Variants in MYBBP1A observed in about 807,000 individuals in gnomAD.
The protein encoded by MYBBP1A is MYB binding protein 1a.
Under a neutral mutation model 136.3 loss-of-function variants are expected in MYBBP1A, and 147 were observed. That is an observed-to-expected ratio of 1.08 (90% CI 0.94 to 1.24). The LOEUF (loss-of-function observed/expected upper bound fraction) is 1.24, where lower values mean the gene tolerates loss of function less well. Among genes scored for constraint, MYBBP1A ranks in the 50% most tolerant of loss-of-function variants. The pLI is 0.00. For synonymous variants in MYBBP1A, 947 were observed against 735.8 expected, an observed-to-expected ratio of 1.29 and a Z score of -4.65; for missense variants, 2,060 against 1,727.4, an observed-to-expected ratio of 1.19 and a Z score of -3.41.
rs1283455939 is a variant in MYBBP1A, at chr17:4,552,457, A to G, written c.731T>C (p.Val244Ala). Residue 244 changes from valine to alanine, a missense_variant, in exon 6 of 26, where the codon GTC (valine) becomes GCC (alanine). Coordinates refer to ENST00000254718, the MANE Select transcript of MYBBP1A (RefSeq NM_014520.4). This position sits in a 1 kb window ranked among gnomAD's most constrained non-coding sequence, Gnocchi z 4.7. The stretch of plus-strand genomic sequence containing the variant: ...CCGCCCACCTCCATCACACCTGGGG[A>G]CATTCTCATCTGAGAATAGGTTCAC... Reference protein sequence around the residue: ...GSVNLFSDENVPRLVNVLKMA... With the variant: ...GSVNLFSDENAPRLVNVLKMA... 6.2e-7 allele frequency: 1 copy of G among 1,612,914 alleles called. No individual in the cohort carries two copies. Among genetic ancestry groups the G allele is most frequent in the South Asian group, 1.1e-5 (1 of 91,044 alleles).
chr17:4,549,785 C>CAAAAA (rs60360356), intron 9 of MYBBP1A, among the ~76,000 whole-genome samples: 13 of 65,386 alleles, frequency 2.0e-4, no homozygotes, highest in African/African-American at 4.9e-4. Flanking sequence ...GAGACTCTGT[C>CAAAAA]AAAAAAAAAA....
Position 4,542,908 on chromosome 17 carries a change from C to G in MYBBP1A, c.2892+5G>C. The G allele has an allele frequency of 6.2e-7, 1 of 1,613,700 alleles. No individual in the cohort carries two copies. The highest frequency in any genetic ancestry group is 8.5e-7 in the Non-Finnish European group (1 of 1,179,894). Reference sequence around the variant, plus strand: ...GGGGCTGCTCCTGGGCCAGGCCCTGCTCACCTGCGGGCCCGTGGGCATGTG... The same window carrying G: ...GGGGCTGCTCCTGGGCCAGGCCCTGGTCACCTGCGGGCCCGTGGGCATGTG... On this transcript the variant is annotated splice_donor_5th_base_variant and intron_variant, in intron 20 of 25. Coordinates refer to ENST00000254718, the MANE Select transcript of MYBBP1A (RefSeq NM_014520.4).
Position 4,555,365 on chromosome 17 carries a change from G to C in MYBBP1A, c.-41C>G. 6.4e-7 allele frequency: 1 copy of C among 1,557,686 alleles called. No individual in the cohort carries two copies. The highest frequency in any genetic ancestry group is 8.7e-7 in the Non-Finnish European group (1 of 1,150,586). ...CGAAACACGAAACACGTGTGCTCCG[G>C]CCCCAGCCGCTTCCAGGTCAGGGCA... On this transcript the variant is annotated 5_prime_UTR_variant, in exon 1 of 26. Transcript: ENST00000254718.
chr17:4,551,434 TAC>T (rs1414019601), intron 8 of MYBBP1A, among the ~76,000 whole-genome samples: 3 of 152,162 alleles, frequency 2.0e-5, no homozygotes, highest in Admixed American at 6.5e-5. Context: ...GGAAGCCAGG[TAC>T]AGTGGCTCAC....
Position 4,539,365 on chromosome 17 carries a change from G to C in MYBBP1A, c.*50C>G, listed in dbSNP as rs747864536. The C allele has an allele frequency of 6.7e-7, 1 of 1,499,098 alleles. No individual in the cohort carries two copies. Among genetic ancestry groups the C allele is most frequent in the Admixed American group, 2.3e-5 (1 of 43,398 alleles). 92.9% of individuals were successfully genotyped at this position (1,499,098 alleles called of 1,614,324 possible). ...GGTTTAAAAAAAAAAAAAAAAAATA[G>C]GCGTCTCAGGCAGATGGAGGCAGGG... is the stretch of plus-strand genomic sequence containing the variant. On this transcript the variant is annotated 3_prime_UTR_variant, in exon 26 of 26. Transcript: ENST00000254718.
At chr17:4,549,908 G>A (rs1907351559) in intron 9 of MYBBP1A, 150 bp downstream of exon 9, 1 of 784,754 alleles carries the variant, frequency 1.3e-6, no homozygotes, top group Non-Finnish European at 2.0e-6. Context: ...CAAGTAAACT[G>A]AGGCCTCATA....
In MYBBP1A at chr17:4,548,350, A is replaced by T. The variant is rs765219123; in HGVS notation, c.1557-40T>A. 6.2e-7 allele frequency: 1 copy of T among 1,607,246 alleles called. No individual in the cohort carries two copies. Among genetic ancestry groups the T allele is most frequent in the Non-Finnish European group, 8.5e-7 (1 of 1,177,600 alleles). ...GGGCTTGGGGTCAGCAGACCAGATGAGTCAATGTAGCCGCCTCCCTCCGCC... is the reference window on the plus strand; with the variant it reads ...GGGCTTGGGGTCAGCAGACCAGATGTGTCAATGTAGCCGCCTCCCTCCGCC... On this transcript the variant is annotated intron_variant, in intron 11 of 25. Transcript: ENST00000254718. The surrounding 1 kb of genome is among the most constrained non-coding windows in gnomAD (Gnocchi z 4.2).
In MYBBP1A at chr17:4,548,011, T is replaced by C. The variant is rs752755227; in HGVS notation, c.1771A>G (p.Arg591Gly). 3 of 1,546,132 alleles carry C rather than the reference T, an allele frequency of 1.9e-6. No homozygotes were observed. The highest frequency in any genetic ancestry group is 2.4e-5 in the South Asian group (2 of 84,238). ...KELEAHSAEA[R>G]AAAFQHLLLL... ...AGAAGGTGCTGGAAGGCAGCAGCCCTGGCCTCTGCGGAGTGGGCCTCCAGC... is the reference window on the plus strand; with the variant it reads ...AGAAGGTGCTGGAAGGCAGCAGCCCCGGCCTCTGCGGAGTGGGCCTCCAGC... The change falls in exon 13 of 26, where the codon AGG becomes GGG. Residue 591 changes from arginine (R) to glycine (G), a missense_variant. Coordinates refer to ENST00000254718, the MANE Select transcript of MYBBP1A (RefSeq NM_014520.4). The surrounding 1 kb of genome is among the most constrained non-coding windows in gnomAD (Gnocchi z 4.2).
intron 23 of MYBBP1A, 97 bp downstream of exon 23, chr17:4,541,687 C>CTG (rs1429435613): frequency 6.9e-7 from 1 of 1,440,894 alleles, no homozygotes; most frequent in African/African-American, 1.4e-5. Context: ...TCTCCCGACT[C>CTG]TGGACTCAGG....
Position 4,544,602 on chromosome 17 carries a change from A to G in MYBBP1A, c.2526T>C (p.Asn842=). The G allele has an allele frequency of 3.8e-6, 6 of 1,584,890 alleles. No individual in the cohort carries two copies. The highest frequency in any genetic ancestry group is 5.1e-6 in the Non-Finnish European group (6 of 1,165,994). ...GCTCCAGCAGCTCCAGGACCAGGGCATTCTCGGGCTGCTTGGTCACTAGCA... is the reference window on the plus strand; with the variant it reads ...GCTCCAGCAGCTCCAGGACCAGGGCGTTCTCGGGCTGCTTGGTCACTAGCA... The part of the protein sequence containing the change: ...VEVLVTKQPE[N]ALVLELLEPL... The change falls in exon 19 of 26, where the codon AAT becomes AAC. Residue 842 remains asparagine, a synonymous_variant. Coordinates refer to ENST00000254718, the MANE Select transcript of MYBBP1A (RefSeq NM_014520.4).
At chr17:4,549,876 C>T (rs915163436) in intron 9 of MYBBP1A, among the ~76,000 whole-genome samples, 182 bp downstream of exon 9, 21 of 152,060 alleles carry the variant, frequency 1.4e-4, no homozygotes, top group African/African-American at 4.8e-4. Flanking sequence ...CTCCCCATCC[C>T]GATCGCCAGT....
intron 10 of MYBBP1A, among the ~76,000 whole-genome samples, chr17:4,549,103 G>A (rs977063846): frequency 2.4e-4 from 37 of 152,336 alleles, no homozygotes; most frequent in African/African-American, 8.9e-4. Context: ...CTGCCTGCAG[G>A]GCGCGCAGAG....
rs763961344 is a variant in MYBBP1A, at chr17:4,551,928, C to T, written c.975G>A (p.Met325Ile). Residue 325 changes from methionine (M) to isoleucine (I), a missense_variant, in exon 8 of 26, where the codon ATG becomes ATA. Transcript: ENST00000254718. ...LLTKEQLHLV[M>I]QGDVIRHYGE... ...CGTAATGGCGGATCACGTCTCCCTG[C>T]ATCACCAGGTGCAGCTGCTCCTTGG... 1.6e-5 allele frequency: 26 copies of T among 1,613,122 alleles called. No homozygotes were observed. The highest frequency in any genetic ancestry group is 4.2e-6 in the Non-Finnish European group (5 of 1,179,594).
In MYBBP1A at chr17:4,545,635, G is replaced by A. The variant is rs748400049; in HGVS notation, c.2048C>T (p.Pro683Leu). The A allele has an allele frequency of 6.2e-5, 100 of 1,600,530 alleles. No individual in the cohort carries two copies. Among genetic ancestry groups the A allele is most frequent in the Admixed American group, 1.2e-4 (7 of 59,160 alleles). Reference sequence around the variant, plus strand: ...ATCCAGAATTAGCTGCAGGGCACGCGGGGTCAGGTGGGAGCAGATGTGGCC... The same window carrying A: ...ATCCAGAATTAGCTGCAGGGCACGCAGGGTCAGGTGGGAGCAGATGTGGCC... ...VFGHICSHLT[P>L]RALQLILDVL... is the part of the protein sequence containing the mutation. The change falls in exon 15 of 26, where the codon CCG becomes CTG. Residue 683 changes from proline to leucine, a missense_variant. Transcript: ENST00000254718.
In MYBBP1A at chr17:4,538,952, G is replaced by C. The variant is rs1906050920; in HGVS notation, c.*463C>G. 1 of 785,134 alleles carries C rather than the reference G, an allele frequency of 1.3e-6. No homozygotes were observed. The highest frequency in any genetic ancestry group is 2.4e-5 in the East Asian group (1 of 41,278). The allele number at this position is 785,134 out of a possible 1,614,324, so 48.6% of individuals were successfully genotyped here. A position where few individuals can be genotyped will look rare whatever the true frequency, so the allele number is the denominator to read the frequency against. On this transcript the variant is annotated 3_prime_UTR_variant, in exon 26 of 26. Coordinates refer to ENST00000254718, the MANE Select transcript of MYBBP1A (RefSeq NM_014520.4). ...CCAAACTGCTCCTTTATTTTTTAGA[G>C]CTGCTGATTGTGAATCTCAGAGTCT...
chr17:4,555,174 G>C lies in MYBBP1A; in HGVS notation c.151C>G (p.Leu51Val), dbSNP rs1399897834. The C allele has an allele frequency of 1.9e-6, 3 of 1,605,076 alleles. No homozygotes were observed. The highest frequency in any genetic ancestry group is 2.6e-6 in the Non-Finnish European group (3 of 1,175,990). The change falls in exon 1 of 26, where the codon CTT (leucine) becomes GTT (valine). Residue 51 changes from leucine to valine, a missense_variant. Physicochemically the swap from Leu to Val is conservative, Grantham distance 32. Coordinates refer to ENST00000254718, the MANE Select transcript of MYBBP1A (RefSeq NM_014520.4). ...TCCAGCAGCTTCTCCGTGGCCGCAA[G>C]TCGCGTCTCCTGCTCAGGCTTCGCA... is the stretch of plus-strand genomic sequence containing the variant. ...DIAKPEQETR[L>V]AATEKLLEYL...
chr17:4,555,288 C>T lies in MYBBP1A; in HGVS notation c.37G>A (p.Gly13Arg), dbSNP rs1236161054. 6.2e-7 allele frequency: 1 copy of T among 1,609,828 alleles called. No homozygotes were observed. Among genetic ancestry groups the T allele is most frequent in the Admixed American group, 1.7e-5 (1 of 59,544 alleles). The change falls in exon 1 of 26, where the codon GGA becomes AGA. Residue 13 changes from glycine to arginine, a missense_variant. Gly to Arg is a moderately radical substitution (Grantham distance 125, BLOSUM62 -2). Coordinates refer to ENST00000254718, the MANE Select transcript of MYBBP1A (RefSeq NM_014520.4). Reference protein sequence around the residue: ...SRDPAQPMSPGEATQSGARPA... With the variant: ...SRDPAQPMSPREATQSGARPA... ...CGGGCGCCACTCTGCGTCGCTTCTC[C>T]AGGCGACATCGGCTGGGCGGGATCC...
At chr17:4,549,755 C>T (rs1177682419) in intron 9 of MYBBP1A, among the ~76,000 whole-genome samples, 1 of 140,780 alleles carries the variant, frequency 7.1e-6, no homozygotes, top group South Asian at 2.3e-4. Flanking sequence ...CACTGCACTC[C>T]AGCTTAGGCC....
At chr17:4,553,281 C>G (rs1025067084) in intron 5 of MYBBP1A, among the ~76,000 whole-genome samples, 6 of 152,236 alleles carry the variant, frequency 3.9e-5, no homozygotes, top group Non-Finnish European at 7.3e-5. Context: ...CCTGCTACCC[C>G]TGCCTTTCTC....
Sources: gnomAD v4.1 joint callset for allele counts (sites outside exome capture counted in the v4.1 genomes callset) on GRCh38, gnomAD v4.1.1 for gene constraint, Gnocchi (gnomAD v3.1) non-coding constraint, MANE v1.5 for transcripts, NCBI Gene and HGNC (gene_info 2026-07-23, HGNC 2026-07-21) for gene names.